MTSS1: variants seen among roughly 807,000 people sequenced by gnomAD.
The protein encoded by MTSS1 is MTSS I-BAR domain containing 1, also known as protein MTSS 1.
Under a neutral mutation model 79.0 loss-of-function variants are expected in MTSS1, and 18 were observed. The ratio of observed to expected loss-of-function variants is 0.23; its 90% CI spans 0.16 to 0.34. MTSS1 has a LOEUF of 0.34. Ranked by LOEUF, MTSS1 falls within the 10% of genes least tolerant of loss-of-function variation. The probability of loss-of-function intolerance (pLI) is 1.00; values close to 1 mark genes in which losing one functional copy is unlikely to be tolerated. For synonymous variants in MTSS1, 341 were observed against 368.6 expected, an observed-to-expected ratio of 0.93 and a Z score of 0.86; for missense variants, 815 against 986.2, an observed-to-expected ratio of 0.83 and a Z score of 2.33.
intron 1 of MTSS1, 150 bp from the exon 2 acceptor site, chr8:124,704,341 A>G (rs2135478989): frequency 1.4e-6 from 1 of 702,720 alleles, no homozygotes; most frequent in Admixed American, 2.0e-5. Context: ...GATTCTATAT[A>G]CATGTATTGG....
chr8:124,710,437 C>T (rs1830993359), intron 1 of MTSS1, among the ~76,000 whole-genome samples: 1 of 46,120 alleles, frequency 2.2e-5, no homozygotes, highest in African/African-American at 1.0e-4. Flanking sequence ...CTAAACAAAT[C>T]CACAAGTTGG....
At chr8:124,555,971 G>GC in intron 12 of MTSS1, 67 bp from the exon 13 acceptor site, 1 of 1,577,876 alleles carries the variant, frequency 6.3e-7, no homozygotes, top group Non-Finnish European at 8.6e-7. Flanking sequence ...CTCCTGTTCT[G>GC]CCCCCGTGAG....
intron 3 of MTSS1, among the ~76,000 whole-genome samples, chr8:124,612,573 A>AGTGTGTGT (rs1563858363): frequency 2.5e-5 from 3 of 119,750 alleles, no homozygotes; most frequent in African/African-American, 9.3e-5. Context: ...CCAAGTTTAA[A>AGTGTGTGT]ATGTGTGTGT....
intron 3 of MTSS1, among the ~76,000 whole-genome samples, chr8:124,634,692 C>G (rs1816667706): frequency 6.9e-6 from 1 of 145,366 alleles, no homozygotes; most frequent in East Asian, 2.1e-4. Flanking sequence ...ATATTTTTCC[C>G]TCTTGTAGCT....
At chr8:124,602,207 A>ACACATAT in intron 3 of MTSS1, among the ~76,000 whole-genome samples, 2 of 142,238 alleles carry the variant, frequency 1.4e-5, no homozygotes, top group African/African-American at 5.5e-5. Context: ...ATATATATAT[A>ACACATAT]ATTTTTTTTT....
At chr8:124,613,611 G>C (rs1188434525) in intron 3 of MTSS1, among the ~76,000 whole-genome samples, 4 of 152,176 alleles carry the variant, frequency 2.6e-5, no homozygotes. Flanking sequence ...CTACAGAAAG[G>C]TCCTTCAAGC....
At position 124,553,224 on chromosome 8, in the gene MTSS1, T is replaced by C. The variant is rs1297084156; in HGVS notation, c.2036A>G (p.Lys679Arg). Residue 679 changes from lysine (K) to arginine (R), a missense_variant, in exon 14 of 14, where the codon AAG becomes AGG. Physicochemically the swap from Lys to Arg is conservative, Grantham distance 26. Around this residue, in one of 2 missense-constraint regions of MTSS1, gnomAD observed 590 missense variants for 620.8 expected, o/e 0.95. Coordinates refer to ENST00000518547, the MANE Select transcript of MTSS1 (RefSeq NM_014751.6). This position sits in a 1 kb window ranked among gnomAD's most constrained non-coding sequence, Gnocchi z 6.0. ...ASVNPPLPGP[K>R]PSIPEEHRQA... ...TCTGTGCTCCTCAGGGATACTGGGC[T>C]TCGGGCCTGGAAGTGGAGGGTTAAC... 1 of 1,614,148 alleles carries C rather than the reference T, an allele frequency of 6.2e-7. No individual in the cohort carries two copies. The highest frequency in any genetic ancestry group is 1.7e-5 in the Admixed American group (1 of 60,012).
intron 3 of MTSS1, among the ~76,000 whole-genome samples, chr8:124,672,918 TG>T (rs1294350612): frequency 6.6e-6 from 1 of 150,970 alleles, no homozygotes; most frequent in African/African-American, 2.4e-5. Flanking sequence ...CACATATATA[TG>T]GAGAAAGAAA....
intron 1 of MTSS1, among the ~76,000 whole-genome samples, chr8:124,718,582 C>A (rs1832452455): frequency 1.3e-5 from 2 of 152,140 alleles, no homozygotes; most frequent in African/African-American, 4.8e-5. Context: ...GCCATTAAAC[C>A]AAACTCAAAG....
chr8:124,591,345 G>C, intron 3 of MTSS1, 110 bp from the exon 4 acceptor site: 2 of 863,198 alleles, frequency 2.3e-6, no homozygotes, highest in Non-Finnish European at 3.8e-6. Context: ...TAAAATATAA[G>C]CCACCATCTT....
intron 1 of MTSS1, among the ~76,000 whole-genome samples, chr8:124,713,053 T>C (rs1831400114): frequency 6.6e-6 from 1 of 152,250 alleles, no homozygotes; most frequent in African/African-American, 2.4e-5. Context: ...TATTCCTTTG[T>C]CTATCCTGAG....
rs1485755445 is a variant in MTSS1 at position 124,661,821 on chromosome 8, G to T, written c.208+37705C>A. On this transcript the variant is annotated intron_variant, in intron 3 of 13. Transcript: ENST00000518547. Reference sequence around the variant, plus strand: ...TCACAGTTTGCTCAGCATACATTCAGGACCTGTCACACTGTACGGCCCACA... The same window carrying T: ...TCACAGTTTGCTCAGCATACATTCATGACCTGTCACACTGTACGGCCCACA... Among the ~76,000 whole-genome samples, 5 of 152,300 alleles carry T rather than the reference G, an allele frequency of 3.3e-5. No homozygotes were observed. In the East Asian group the frequency reaches 9.6e-4, roughly 29 times the overall value.
intron 3 of MTSS1, among the ~76,000 whole-genome samples, chr8:124,647,673 G>T (rs184197172): frequency 1.3e-3 from 199 of 152,224 alleles, no homozygotes; most frequent in African/African-American, 4.6e-3. Flanking sequence ...CATTTCAAAA[G>T]AATTAAATCA....
At chr8:124,703,988 G>T in intron 2 of MTSS1, 142 bp downstream of exon 2, 1 of 685,572 alleles carries the variant, frequency 1.5e-6, no homozygotes, top group Non-Finnish European at 2.6e-6. Context: ...AGGTGATCAT[G>T]CTCCAATCAG....
chr8:124,656,781 C>CA (rs59332225), intron 3 of MTSS1, among the ~76,000 whole-genome samples: 7,809 of 50,416 alleles, frequency 0.15, 342 homozygotes, highest in East Asian at 0.18. Context: ...GACTCCATCT[C>CA]AAAAAAAAAA....
chr8:124,657,685 A>G (rs1587631847), intron 3 of MTSS1, among the ~76,000 whole-genome samples: 1 of 152,344 alleles, frequency 6.6e-6, no homozygotes, highest in East Asian at 1.9e-4. Context: ...TACCAAGTCC[A>G]AATTTAACCA....
At chr8:124,668,521 A>G (rs1244832648) in intron 3 of MTSS1, among the ~76,000 whole-genome samples, 1 of 152,092 alleles carries the variant, frequency 6.6e-6, no homozygotes, top group African/African-American at 2.4e-5. Flanking sequence ...CTGGCTAAAA[A>G]CTTCCCAGTA....
At position 124,566,988 on chromosome 8, in the gene MTSS1, GAC is replaced by G; in HGVS notation, c.726+81_726+82del. The G allele has an allele frequency of 8.6e-6, 9 of 1,046,148 alleles. No individual in the cohort carries two copies. The South Asian group carries it at 1.2e-4, about 14-fold the overall frequency. The allele number at this position is 1,046,148 out of a possible 1,614,324, so 64.8% of individuals were successfully genotyped here. A position where few individuals can be genotyped will look rare whatever the true frequency, so the allele number is the denominator to read the frequency against. On this transcript the variant is annotated intron_variant, in intron 8 of 13. Coordinates refer to ENST00000518547, the MANE Select transcript of MTSS1 (RefSeq NM_014751.6). ...TGAATATGACTACAATTTAAGACGT[GAC>G]ACATGCCACAGGAACACTCAGGGCC... is the stretch of plus-strand genomic sequence containing the variant.
At chr8:124,691,584 T>C (rs1827943656) in intron 3 of MTSS1, among the ~76,000 whole-genome samples, 1 of 152,288 alleles carries the variant, frequency 6.6e-6, no homozygotes. Flanking sequence ...GGTACGATCT[T>C]GGTTCACTGC....
Sources: gnomAD v4.1 joint callset for allele counts (sites outside exome capture counted in the v4.1 genomes callset) on GRCh38, gnomAD v4.1.1 for gene constraint, gnomAD v4.1.1 regional missense constraint, Gnocchi (gnomAD v3.1) non-coding constraint, MANE v1.5 for transcripts, NCBI Gene and HGNC (gene_info 2026-07-23, HGNC 2026-07-21) for gene names.